Variants in NREP observed in about 807,000 individuals in gnomAD.
The protein encoded by NREP is neuronal regeneration related protein.
Under a neutral mutation model 8.6 loss-of-function variants are expected in NREP, and 5 were observed. The observed-to-expected ratio is 0.58, with a 90% confidence interval of 0.30 to 1.22. NREP has a LOEUF of 1.22. Ranked by LOEUF, NREP falls within the 50% of genes most tolerant of loss-of-function variation. NREP has a pLI of 0.07. For synonymous variants in NREP, 27 were observed against 28.0 expected (o/e 0.96, Z 0.11); for missense variants, 86 against 82.5 (o/e 1.04, Z -0.17).
chr5:111,805,262 G>T (rs1252214739), intron 2 of NREP, among the ~76,000 whole-genome samples: 1 of 152,162 alleles, frequency 6.6e-6, no homozygotes, highest in Non-Finnish European at 1.5e-5. Context: ...CTGCTCTGAA[G>T]GGGAAAAATG....
intron 2 of NREP, among the ~76,000 whole-genome samples, chr5:111,847,747 G>A (rs1352175257): frequency 6.6e-6 from 1 of 152,140 alleles, no homozygotes; most frequent in Admixed American, 6.6e-5. Context: ...GGCTCCAGCT[G>A]TTTACTAGCA....
At chr5:111,780,577 T>A (rs1298370242) in intron 2 of NREP, among the ~76,000 whole-genome samples, 1 of 152,168 alleles carries the variant, frequency 6.6e-6, no homozygotes, top group African/African-American at 2.4e-5. Context: ...AGTATATGTT[T>A]GGTGGGGAGT....
intron 2 of NREP, among the ~76,000 whole-genome samples, chr5:111,858,062 A>T (rs1422484221): frequency 6.6e-6 from 1 of 152,140 alleles, no homozygotes; most frequent in Non-Finnish European, 1.5e-5. Flanking sequence ...TGAGAAAATG[A>T]CAGGGAGCAA....
rs184704326 is a variant in NREP, at chr5:111,787,539, A to G, written c.136-52032T>C. 4.1e-4 allele frequency among the ~76,000 whole-genome samples: 62 copies of G among 152,142 alleles called. 1 individual carries two copies. The highest frequency in any genetic ancestry group is 2.0e-3 in the Admixed American group (31 of 15,272). ...AGAGTTGGAGATATTCATAACTGAC[A>G]CTCATTGGCATTATTATTTTTGCCA... is the stretch of plus-strand genomic sequence containing the variant. On this transcript the variant is annotated intron_variant, in intron 2 of 3. Transcript: ENST00000395634.
chr5:111,764,702 CATAATA>C (rs1201653240), intron 2 of NREP, among the ~76,000 whole-genome samples: 2 of 152,074 alleles, frequency 1.3e-5, no homozygotes, highest in African/African-American at 4.8e-5. Flanking sequence ...TTCTTAAAAA[CATAATA>C]ATAAGGAGGT....
At chr5:111,915,067 G>C (rs1165982159) in intron 2 of NREP, among the ~76,000 whole-genome samples, 1 of 152,090 alleles carries the variant, frequency 6.6e-6, no homozygotes, top group Non-Finnish European at 1.5e-5. Flanking sequence ...GTGTGTCTTT[G>C]TGCTTGTTTC....
chr5:111,924,422 C>A (rs1755327523), intron 2 of NREP, among the ~76,000 whole-genome samples: 1 of 149,390 alleles, frequency 6.7e-6, no homozygotes. Context: ...TCTTGGAAGG[C>A]AAATAGGTAT....
intron 2 of NREP, among the ~76,000 whole-genome samples, chr5:111,940,998 T>C (rs1439921350): frequency 6.6e-6 from 1 of 152,090 alleles, no homozygotes; most frequent in African/African-American, 2.4e-5. Context: ...ACATTTATGT[T>C]TTATAAAACA....
intron 2 of NREP, among the ~76,000 whole-genome samples, chr5:111,873,693 C>T (rs1473412056): frequency 6.6e-6 from 1 of 152,272 alleles, no homozygotes; most frequent in East Asian, 1.9e-4. Flanking sequence ...AATGGGCCTA[C>T]CCAAATAATC....
At chr5:111,786,679 A>G (rs931692317) in intron 2 of NREP, among the ~76,000 whole-genome samples, 1 of 152,206 alleles carries the variant, frequency 6.6e-6, no homozygotes, top group African/African-American at 2.4e-5. Flanking sequence ...TAAATATGGT[A>G]AATGTACAAT....
chr5:111,916,817 C>G (rs1755072766), intron 2 of NREP, among the ~76,000 whole-genome samples: 1 of 152,100 alleles, frequency 6.6e-6, no homozygotes, highest in South Asian at 2.1e-4. Flanking sequence ...TTACTGGCAG[C>G]AAATCCATAT....
At chr5:111,926,242 C>G (rs1755380767) in intron 2 of NREP, among the ~76,000 whole-genome samples, 1 of 152,040 alleles carries the variant, frequency 6.6e-6, no homozygotes, top group South Asian at 2.1e-4. Flanking sequence ...AGTGGTGAAA[C>G]TAGAGGAGCC....
At chr5:111,858,843 C>T (rs550239701) in intron 2 of NREP, among the ~76,000 whole-genome samples, 18 of 152,180 alleles carry the variant, frequency 1.2e-4, no homozygotes, top group African/African-American at 3.9e-4. Context: ...AACAACCTTA[C>T]GAGCATCAAC....
At chr5:111,769,681 C>A (rs1420216125) in intron 2 of NREP, among the ~76,000 whole-genome samples, 2 of 152,132 alleles carry the variant, frequency 1.3e-5, no homozygotes, top group African/African-American at 2.4e-5. Context: ...AGAAAACTTA[C>A]AATTATAGCA....
intron 2 of NREP, among the ~76,000 whole-genome samples, chr5:111,882,521 A>G (rs1223367727): frequency 6.6e-6 from 1 of 152,192 alleles, no homozygotes; most frequent in Non-Finnish European, 1.5e-5. Context: ...TCGAAGACAC[A>G]TAATTGTCAG....
chr5:111,870,709 A>G (rs999289668), intron 2 of NREP, among the ~76,000 whole-genome samples: 3 of 152,244 alleles, frequency 2.0e-5, no homozygotes, highest in African/African-American at 7.2e-5. Flanking sequence ...AGTATAACTG[A>G]CATCCTTACA....
intron 2 of NREP, among the ~76,000 whole-genome samples, chr5:111,914,796 C>G (rs1257041443): frequency 6.6e-6 from 1 of 152,082 alleles, no homozygotes; most frequent in Non-Finnish European, 1.5e-5. Context: ...TTAAAGAATA[C>G]ACTTTTAAGG....
chr5:111,975,684 CAT>C (rs1756943295), intron 1 of NREP, among the ~76,000 whole-genome samples: 1 of 152,106 alleles, frequency 6.6e-6, no homozygotes, highest in Non-Finnish European at 1.5e-5. Flanking sequence ...TATCCATAAA[CAT>C]AGATATTCAT....
At chr5:111,976,779 A>G in exon 1 of NREP, 3 of 1,542,262 alleles carry the variant, frequency 1.9e-6, no homozygotes, top group Non-Finnish European at 2.6e-6. Context: ...TTCAGTCTTT[A>G]AAGGACAAAG....
Sources: gnomAD v4.1 joint callset for allele counts (sites outside exome capture counted in the v4.1 genomes callset) on GRCh38, gnomAD v4.1.1 for gene constraint, MANE v1.5 for transcripts, NCBI Gene and HGNC (gene_info 2026-07-23, HGNC 2026-07-21) for gene names.